Variants in KAT6A observed in about 807,000 individuals in gnomAD.
KAT6A encodes the protein histone acetyltransferase KAT6A.
Under a neutral mutation model 198.4 loss-of-function variants are expected in KAT6A, and 9 were observed. The ratio of observed to expected loss-of-function variants is 0.05; its 90% CI spans 0.03 to 0.08. KAT6A has a LOEUF of 0.08. Ranked by LOEUF, KAT6A falls within the 10% of genes least tolerant of loss-of-function variation. The pLI, the probability that KAT6A is intolerant of heterozygous loss-of-function variation, is 1.00. For missense variants in KAT6A, 2,077 were observed against 2,509.9 expected, an observed-to-expected ratio of 0.83 and a Z score of 3.69; for synonymous variants, 890 against 883.0, an observed-to-expected ratio of 1.01 and a Z score of -0.14.
chr8:41,933,868 G>T lies in KAT6A; in HGVS notation c.4352C>A (p.Ala1451Glu). 6.2e-7 allele frequency: 1 copy of T among 1,614,092 alleles called. No individual in the cohort carries two copies. The highest frequency in any genetic ancestry group is 8.5e-7 in the Non-Finnish European group (1 of 1,180,010). ...GAYQDCEETL[A>E]ACQTLQSYTQ... ...GTAACTCTGCAGGGTCTGACACGCC[G>T]CAAGAGTTTCCTCACAGTCCTGGTA... The change falls in exon 17 of 17, where the codon GCG becomes GAG. Residue 1451 changes from alanine (A) to glutamate (E), a missense_variant. Physicochemically the swap from Ala to Glu is moderately radical, Grantham distance 107. Around this residue, in one of 13 missense-constraint regions of KAT6A, gnomAD observed 178 missense variants for 220.8 expected, o/e 0.81. Transcript: ENST00000265713. This position sits in a 1 kb window ranked among gnomAD's most constrained non-coding sequence, Gnocchi z 6.2.
chr8:41,949,336 A>G lies in KAT6A; in HGVS notation c.1626T>C (p.Phe542=). ...SRLPKLYLCE[F]CLKYMKSRTI... ...TTCTACTTTTCATATATTTTAGACA[A>G]AATTCACAAAGATACAATTTGGGCA... The change falls in exon 10 of 17, where the codon TTT becomes TTC. Residue 542 remains phenylalanine, a synonymous_variant. Coordinates refer to ENST00000265713, the MANE Select transcript of KAT6A (RefSeq NM_006766.5). 1 of 1,555,558 alleles carries G rather than the reference A, an allele frequency of 6.4e-7. No individual in the cohort carries two copies. The highest frequency in any genetic ancestry group is 8.6e-7 in the Non-Finnish European group (1 of 1,156,252).
At chr8:41,993,234 T>C (rs1290609525) in intron 2 of KAT6A, among the ~76,000 whole-genome samples, 2 of 152,240 alleles carry the variant, frequency 1.3e-5, no homozygotes, top group African/African-American at 2.4e-5. Context: ...GCTGTGTTGT[T>C]ACTTAGAGCT....
At chr8:41,938,672 C>T (rs537325629) in intron 15 of KAT6A, among the ~76,000 whole-genome samples, 15 of 152,162 alleles carry the variant, frequency 9.9e-5, no homozygotes, top group African/African-American at 2.2e-4. Context: ...GGAGGCCAGG[C>T]GCGGTGGCTC....
intron 3 of KAT6A, 71 bp from the exon 4 acceptor site, chr8:41,982,025 G>A: frequency 2.3e-6 from 2 of 865,676 alleles, no homozygotes; most frequent in Non-Finnish European, 3.8e-6. Context: ...CTAAAGAAAT[G>A]ATGTAGAAAA....
intron 9 of KAT6A, among the ~76,000 whole-genome samples, chr8:41,955,057 G>C (rs1423161809): frequency 2.6e-5 from 4 of 151,718 alleles, no homozygotes; most frequent in Admixed American, 1.3e-4. Context: ...CCCTTTTATT[G>C]TGACCATGCA....
chr8:41,932,465 A>G lies in KAT6A; in HGVS notation c.5755T>C (p.Leu1919=). 1 of 1,614,204 alleles carries G rather than the reference A, an allele frequency of 6.2e-7. No individual in the cohort carries two copies. Among genetic ancestry groups the G allele is most frequent in the East Asian group, 2.2e-5 (1 of 44,882 alleles). ...ATTCGATAGCTGTTCATGGCATTCA[A>G]GGTGTTCATATTCATGGAATTGACA... ...YNVNSMNMNT[L]NAMNSYRMTQ... is the part of the protein sequence containing the mutation. Residue 1919 remains leucine, a synonymous_variant, in exon 17 of 17, where the codon TTG becomes CTG. Coordinates refer to ENST00000265713, the MANE Select transcript of KAT6A (RefSeq NM_006766.5).
At chr8:42,011,291 A>G (rs1826006014) in intron 2 of KAT6A, among the ~76,000 whole-genome samples, 1 of 152,180 alleles carries the variant, frequency 6.6e-6, no homozygotes, top group Non-Finnish European at 1.5e-5. Flanking sequence ...CCACTGACAC[A>G]TTTTGCAGTC....
At chr8:42,005,396 A>G (rs1825688524) in intron 2 of KAT6A, among the ~76,000 whole-genome samples, 1 of 152,232 alleles carries the variant, frequency 6.6e-6, no homozygotes, top group African/African-American at 2.4e-5. Flanking sequence ...GCCTGAGGAC[A>G]GTAGCTTTCA....
At chr8:41,997,298 T>C (rs1428108510) in intron 2 of KAT6A, among the ~76,000 whole-genome samples, 1 of 152,186 alleles carries the variant, frequency 6.6e-6, no homozygotes, top group Non-Finnish European at 1.5e-5. Flanking sequence ...AAGCAACTAC[T>C]ATAATTTGTT....
At chr8:42,015,920 C>G (rs180687446) in intron 2 of KAT6A, among the ~76,000 whole-genome samples, 35 of 152,284 alleles carry the variant, frequency 2.3e-4, no homozygotes, top group Admixed American at 1.8e-3. Context: ...CCAATTGAAA[C>G]AGACTAGCTC....
Position 41,974,685 on chromosome 8 carries a change from C to CCTG in KAT6A, c.1482+16_1482+18dup. The CCTG allele has an allele frequency of 6.8e-7, 1 of 1,479,178 alleles. No homozygotes were observed. The highest frequency in any genetic ancestry group is 1.7e-4 in the Middle Eastern group (1 of 5,794). The allele number at this position is 1,479,178 out of a possible 1,614,324, so 91.6% of individuals were successfully genotyped here. On this transcript the variant is annotated intron_variant, in intron 8 of 16. Transcript: ENST00000265713. ...ATGAACAAGTTGCTTGATTGTCTAA[C>CCTG]CTGAATATCCAACTTTACCTGCAGT... is the stretch of plus-strand genomic sequence containing the variant.
chr8:41,931,889 T>G lies in KAT6A; in HGVS notation c.*316A>C. On this transcript the variant is annotated 3_prime_UTR_variant, in exon 17 of 17. Transcript: ENST00000265713. ...TTCACTTTTACACAAATTCTGTCCA[T>G]GTGGTATGTAAAGAAAGTAAGGCTC... is the stretch of plus-strand genomic sequence containing the variant. 1 of 251,860 alleles carries G rather than the reference T, an allele frequency of 4.0e-6. No individual in the cohort carries two copies. Among genetic ancestry groups the G allele is most frequent in the South Asian group, 1.7e-4 (1 of 6,040 alleles). 15.6% of individuals were successfully genotyped at this position (251,860 alleles called of 1,614,324 possible).
chr8:41,941,120 C>T lies in KAT6A; in HGVS notation c.2761G>A (p.Val921Met). ...TGGCTTGGCTGCTCCTCAGAAGCCA[C>T]CAGCTGTTCTTCACTTTCAGTGTAT... is the stretch of plus-strand genomic sequence containing the variant. ...EQYTESEEQL[V>M]ASEEQPSQDG... The change falls in exon 15 of 17, where the codon GTG (valine) becomes ATG (methionine). Residue 921 changes from valine to methionine, a missense_variant. By Grantham distance (21) the Val-to-Met change is conservative (BLOSUM62 1). This residue lies in a region of KAT6A where 301 missense variants were observed against 272.2 expected (regional missense o/e 1.11). Transcript: ENST00000265713. 2 of 1,614,194 alleles carry T rather than the reference C, an allele frequency of 1.2e-6. No individual in the cohort carries two copies. The highest frequency in any genetic ancestry group is 1.7e-6 in the Non-Finnish European group (2 of 1,180,024).
Position 42,031,037 on chromosome 8 carries a change from A to AG in KAT6A, c.600+17340_600+17341insC, listed in dbSNP as rs1564077166. ...TATGCTGCCAAATGCAAAAAAAAAAAAGGGGGGGGGGACAGGAGAAATGTA... is the reference window on the plus strand; with the variant it reads ...TATGCTGCCAAATGCAAAAAAAAAAAGAGGGGGGGGGGACAGGAGAAATGTA... On this transcript the variant is annotated intron_variant, in intron 2 of 16. Transcript: ENST00000265713. 6.8e-3 allele frequency among the ~76,000 whole-genome samples: 638 copies of AG among 93,496 alleles called. 14 individuals carry two copies. Among genetic ancestry groups the AG allele is most frequent in the African/African-American group, 0.022 (566 of 26,198 alleles). 61.3% of individuals were successfully genotyped at this position (93,496 alleles called of 152,430 possible).
In KAT6A at chr8:42,049,156, GAAACCAAAACAAC is replaced by G; in HGVS notation, c.-192_-180del. On this transcript the variant is annotated 5_prime_UTR_variant, in exon 2 of 17. The change abolishes the stop of an existing upstream ORF in the 5' untranslated region. Transcript: ENST00000265713. The stretch of plus-strand genomic sequence containing the variant: ...AGAATGCCACCCCAATTGTACTATA[GAAACCAAAACAAC>G]CTGTTGATTGAAATGTCTTCCAACT... The G allele has an allele frequency of 3.3e-6, 2 of 614,174 alleles. No homozygotes were observed. Among genetic ancestry groups the G allele is most frequent in the Non-Finnish European group, 5.6e-6 (2 of 358,446 alleles). 38.0% of individuals were successfully genotyped at this position (614,174 alleles called of 1,614,324 possible).
chr8:41,990,387 CAA>C (rs1472490810), intron 2 of KAT6A, among the ~76,000 whole-genome samples: 2 of 152,104 alleles, frequency 1.3e-5, no homozygotes, highest in African/African-American at 4.8e-5. Flanking sequence ...GTAAGGAAGA[CAA>C]GAGACTGGGA....
intron 8 of KAT6A, among the ~76,000 whole-genome samples, chr8:41,968,902 A>T (rs1444536773): frequency 1.3e-5 from 2 of 152,204 alleles, no homozygotes; most frequent in African/African-American, 4.8e-5. Context: ...ACTGCCTGCA[A>T]TAATTTTTTA....
chr8:42,028,972 T>C (rs1359526617), intron 2 of KAT6A, among the ~76,000 whole-genome samples: 1 of 152,240 alleles, frequency 6.6e-6, no homozygotes, highest in Non-Finnish European at 1.5e-5. Flanking sequence ...AAGCATTTCT[T>C]GTAGGGCCAT....
At position 42,044,386 on chromosome 8, in the gene KAT6A, C is replaced by T. The variant is rs1257484599; in HGVS notation, c.600+3992G>A. 2.0e-5 allele frequency among the ~76,000 whole-genome samples: 3 copies of T among 152,140 alleles called. No homozygotes were observed. The East Asian group carries it at 5.8e-4, about 29-fold the overall frequency. Reference sequence around the variant, plus strand: ...AAAGTGCTGGGATTACAGGCCTGAGCCACCAGGCCTGGCCTAAAAACTTTT... The same window carrying T: ...AAAGTGCTGGGATTACAGGCCTGAGTCACCAGGCCTGGCCTAAAAACTTTT... On this transcript the variant is annotated intron_variant, in intron 2 of 16. Transcript: ENST00000265713.
Sources: allele counts gnomAD v4.1 joint callset (sites outside exome capture counted in the v4.1 genomes callset), GRCh38; gene constraint gnomAD v4.1.1; regional missense constraint gnomAD v4.1.1; non-coding constraint Gnocchi (gnomAD v3.1); transcripts MANE v1.5; gene names NCBI Gene and HGNC (gene_info 2026-07-23, HGNC 2026-07-21).